TAF8: variants seen among roughly 807,000 people sequenced by gnomAD.
The protein encoded by TAF8 is transcription initiation factor TFIID subunit 8.
Under a neutral mutation model 36.5 loss-of-function variants are expected in TAF8, and 47 were observed. That is an observed-to-expected ratio of 1.29 (90% CI 1.02 to 1.64). The LOEUF (loss-of-function observed/expected upper bound fraction) is 1.64, where lower values mean the gene tolerates loss of function less well. Among genes scored for constraint, TAF8 ranks in the 40% most tolerant of loss-of-function variants. The pLI is 0.00. For synonymous variants in TAF8, 175 were observed against 159.5 expected (o/e 1.10, Z -0.73); for missense variants, 420 against 407.6 (o/e 1.03, Z -0.26).
intron 3 of TAF8, 133 bp downstream of exon 3, chr6:42,055,762 A>G: frequency 1.2e-6 from 1 of 804,460 alleles, no homozygotes; most frequent in Non-Finnish European, 2.1e-6. Flanking sequence ...GAGAGTTATC[A>G]AGAGAGATTC....
At position 42,078,622 on chromosome 6, in the gene TAF8, C is replaced by G. The variant is rs114533433; in HGVS notation, c.*1077C>G. 0.023 allele frequency: 23,083 copies of G among 985,432 alleles called. 312 individuals are homozygous for G. Among genetic ancestry groups the G allele is most frequent in the Middle Eastern group, 0.046 (89 of 1,916 alleles). 61.0% of individuals were successfully genotyped at this position (985,432 alleles called of 1,614,324 possible). A position where few individuals can be genotyped will look rare whatever the true frequency, so the allele number is the denominator to read the frequency against. ...ACGACATGTCGGGGCTGCACCTGTC[C>G]TCCCGTCGGCATTTGACGAAAGCTC... On this transcript the variant is annotated 3_prime_UTR_variant, in exon 9 of 9. Coordinates refer to ENST00000372977, the MANE Select transcript of TAF8 (RefSeq NM_138572.3).
At chr6:42,051,115 A>C in intron 1 of TAF8, 15 of 1,184,660 alleles carry the variant, frequency 1.3e-5, no homozygotes, top group Non-Finnish European at 1.6e-5. Context: ...AAAGTAAAAG[A>C]CCTGCTATTT....
chr6:42,081,851 A>G lies in TAF8; in HGVS notation c.*4306A>G, dbSNP rs1014567075. On this transcript the variant is annotated 3_prime_UTR_variant, in exon 9 of 9. Transcript: ENST00000372977. ...GCAAACTCCAGACCTGTGTCATTTA[A>G]TCTAAATGTGTCTATACGTATCTCT... 2.0e-5 allele frequency: 3 copies of G among 152,192 alleles called. No homozygotes were observed. Among genetic ancestry groups the G allele is most frequent in the African/African-American group, 7.2e-5 (3 of 41,444 alleles). The allele number at this position is 152,192 out of a possible 1,614,324, so 9.4% of individuals were successfully genotyped here.
rs752255358 is a variant in TAF8 at position 42,057,463 on chromosome 6, C to T, written c.439C>T (p.Pro147Ser). 4.1e-5 allele frequency: 66 copies of T among 1,613,980 alleles called. No homozygotes were observed. Among genetic ancestry groups the T allele is most frequent in the Non-Finnish European group, 5.2e-5 (61 of 1,180,046 alleles). ...GQNRPHPPHI[P>S]SHFPEFPDPH... ...GAACCGACCCCACCCGCCGCACATC[C>T]CCAGCCATTTTCCTGAGTTCCCTGA... The change falls in exon 5 of 9, where the codon CCC (proline) becomes TCC (serine). Residue 147 changes from proline (P) to serine (S), a missense_variant. Transcript: ENST00000372977.
chr6:42,076,777 C>T (rs1223199459), intron 7 of TAF8, among the ~76,000 whole-genome samples: 1 of 152,158 alleles, frequency 6.6e-6, no homozygotes, highest in Non-Finnish European at 1.5e-5. Flanking sequence ...GGCCGGGCAT[C>T]CTCCCTGAGG....
intron 5 of TAF8, among the ~76,000 whole-genome samples, chr6:42,062,682 C>T (rs1334940873): frequency 2.0e-5 from 3 of 151,402 alleles, no homozygotes; most frequent in South Asian, 2.1e-4. Flanking sequence ...GGACTACAAG[C>T]GCCTGCCACC....
chr6:42,077,736 G>A lies in TAF8; in HGVS notation c.*191G>A. On this transcript the variant is annotated 3_prime_UTR_variant, in exon 9 of 9. Coordinates refer to ENST00000372977, the MANE Select transcript of TAF8 (RefSeq NM_138572.3). ...TTCACTGGATGTTTGGGTTGAGGAA[G>A]ATATGAACAGAATAATGAGAATTTT... 1 of 1,448,194 alleles carries A rather than the reference G, an allele frequency of 6.9e-7. No individual in the cohort carries two copies. The highest frequency in any genetic ancestry group is 9.0e-7 in the Non-Finnish European group (1 of 1,105,720). 89.7% of individuals were successfully genotyped at this position (1,448,194 alleles called of 1,614,324 possible).
At position 42,051,471 on chromosome 6, in the gene TAF8, G is replaced by C. The variant is rs942821006; in HGVS notation, c.160G>C (p.Glu54Gln). Reference sequence around the variant, plus strand: ...GACAGAGGCAGGGTTTGAGAGTGCCGAGAAAGCATCCGTGGAAACGCTGAC... The same window carrying C: ...GACAGAGGCAGGGTTTGAGAGTGCCCAGAAAGCATCCGTGGAAACGCTGAC... ...LLTEAGFESAEKASVETLTEM... is the reference protein window; with the variant it reads ...LLTEAGFESAQKASVETLTEM... The change falls in exon 2 of 9, where the codon GAG becomes CAG. Residue 54 changes from glutamate (E) to glutamine (Q), a missense_variant. Transcript: ENST00000372977. 1 of 1,614,050 alleles carries C rather than the reference G, an allele frequency of 6.2e-7. No individual in the cohort carries two copies. Among genetic ancestry groups the C allele is most frequent in the Non-Finnish European group, 8.5e-7 (1 of 1,180,010 alleles).
chr6:42,076,042 T>C (rs1216438473), intron 7 of TAF8, among the ~76,000 whole-genome samples: 1 of 152,116 alleles, frequency 6.6e-6, no homozygotes, highest in East Asian at 1.9e-4. Flanking sequence ...ACCCCGTCTC[T>C]ACTAAAAATA....
chr6:42,078,882 G>A lies in TAF8; in HGVS notation c.*1337G>A, dbSNP rs1765840776. On this transcript the variant is annotated 3_prime_UTR_variant, in exon 9 of 9. Coordinates refer to ENST00000372977, the MANE Select transcript of TAF8 (RefSeq NM_138572.3). Reference sequence around the variant, plus strand: ...CACGCCTGTAATCCCAGCACTTCGGGAGGCGAAGGCAGGTGGATCACTTGA... The same window carrying A: ...CACGCCTGTAATCCCAGCACTTCGGAAGGCGAAGGCAGGTGGATCACTTGA... 1.0e-6 allele frequency: 1 copy of A among 978,662 alleles called. No individual in the cohort carries two copies. The highest frequency in any genetic ancestry group is 1.2e-6 in the Non-Finnish European group (1 of 823,802). 60.6% of individuals were successfully genotyped at this position (978,662 alleles called of 1,614,324 possible). A position where few individuals can be genotyped will look rare whatever the true frequency, so the allele number is the denominator to read the frequency against.
rs2127465618 is a variant in TAF8 at position 42,078,765 on chromosome 6, A to G, written c.*1220A>G. ...TCTGGAAGAAGAGGTTTTCTCTGAC[A>G]AGAGCCTAGAGCGTCGGCTCTATTA... is the stretch of plus-strand genomic sequence containing the variant. On this transcript the variant is annotated 3_prime_UTR_variant, in exon 9 of 9. Transcript: ENST00000372977. The G allele has an allele frequency of 1.0e-6, 1 of 985,426 alleles. No homozygotes were observed. The highest frequency in any genetic ancestry group is 5.2e-4 in the Middle Eastern group (1 of 1,918). 61.0% of individuals were successfully genotyped at this position (985,426 alleles called of 1,614,324 possible).
rs1765870762 is a variant in TAF8, at chr6:42,079,909, C to A, written c.*2364C>A. 1 of 984,998 alleles carries A rather than the reference C, an allele frequency of 1.0e-6. No homozygotes were observed. Among genetic ancestry groups the A allele is most frequent in the South Asian group, 4.7e-5 (1 of 21,262 alleles). 61.0% of individuals were successfully genotyped at this position (984,998 alleles called of 1,614,324 possible). On this transcript the variant is annotated 3_prime_UTR_variant, in exon 9 of 9. Transcript: ENST00000372977. ...TTTGGAAACTTGAAAAACTTGGGGACTTGACAGCAGGCTCCATGTTCTTCT... is the reference window on the plus strand; with the variant it reads ...TTTGGAAACTTGAAAAACTTGGGGAATTGACAGCAGGCTCCATGTTCTTCT...
At chr6:42,058,245 G>C (rs1049676048) in intron 5 of TAF8, among the ~76,000 whole-genome samples, 1 of 152,118 alleles carries the variant, frequency 6.6e-6, no homozygotes, top group African/African-American at 2.4e-5. Flanking sequence ...TTAGCTGTGC[G>C]TGGTGGCACA....
rs1435317109 is a variant in TAF8, at chr6:42,066,439, A to G, written c.617A>G (p.Asp206Gly). 3 of 1,614,058 alleles carry G rather than the reference A, an allele frequency of 1.9e-6. No homozygotes were observed. The highest frequency in any genetic ancestry group is 2.5e-6 in the Non-Finnish European group (3 of 1,180,038). ...KTGETQSLFK[D>G]DVSTFPLIAA... ...GGCGAGACTCAGAGTCTTTTCAAAG[A>G]TGACGTCAGCACATTTCCATGTGAG... is the stretch of plus-strand genomic sequence containing the variant. The change falls in exon 6 of 9, where the codon GAT becomes GGT. Residue 206 changes from aspartate (D) to glycine (G), a missense_variant. Coordinates refer to ENST00000372977, the MANE Select transcript of TAF8 (RefSeq NM_138572.3).
rs1765912336 is a variant in TAF8 at position 42,081,177 on chromosome 6, G to GTT, written c.*3633_*3634insTT. On this transcript the variant is annotated 3_prime_UTR_variant, in exon 9 of 9. Transcript: ENST00000372977. Reference sequence around the variant, plus strand: ...TATTTTCTTTCCTCCTGGAGTGTGTGTGTGTGTGTGTGTGCGTGTGTGTGC... The same window carrying GTT: ...TATTTTCTTTCCTCCTGGAGTGTGTGTTTGTGTGTGTGTGTGCGTGTGTGTGC... 2 of 141,490 alleles carry GTT rather than the reference G, an allele frequency of 1.4e-5. No individual in the cohort carries two copies. Among genetic ancestry groups the GTT allele is most frequent in the Non-Finnish European group, 2.9e-5 (2 of 69,126 alleles). 8.8% of individuals were successfully genotyped at this position (141,490 alleles called of 1,614,324 possible).
At position 42,079,838 on chromosome 6, in the gene TAF8, G is replaced by C; in HGVS notation, c.*2293G>C. 1 of 985,076 alleles carries C rather than the reference G, an allele frequency of 1.0e-6. No individual in the cohort carries two copies. Among genetic ancestry groups the C allele is most frequent in the South Asian group, 4.7e-5 (1 of 21,268 alleles). 61.0% of individuals were successfully genotyped at this position (985,076 alleles called of 1,614,324 possible). A position where few individuals can be genotyped will look rare whatever the true frequency, so the allele number is the denominator to read the frequency against. ...CAAAGTGTTGAGATTACAGGCGTGA[G>C]CCACGGTGCCCAGCCCATCTCTTAG... On this transcript the variant is annotated 3_prime_UTR_variant, in exon 9 of 9. Coordinates refer to ENST00000372977, the MANE Select transcript of TAF8 (RefSeq NM_138572.3).
Position 42,053,926 on chromosome 6 carries a change from T to G in TAF8, c.203-1605T>G, listed in dbSNP as rs2127448906. ...CTAGAGGCTGGTATTAGTGACTTGC[T>G]CAGTATAGCAGGGGGGTTGGTGGTA... On this transcript the variant is annotated intron_variant, in intron 2 of 8. Transcript: ENST00000372977. Among the ~76,000 whole-genome samples the G allele has an allele frequency of 3.9e-5, 6 of 152,274 alleles. No individual in the cohort carries two copies. The South Asian group carries it at 1.2e-3, about 32-fold the overall frequency.
chr6:42,051,156 G>T, intron 1 of TAF8: 1 of 1,292,606 alleles, frequency 7.7e-7, no homozygotes, highest in Non-Finnish European at 9.9e-7. Context: ...TTTTAGGTAA[G>T]CGGAGAAGTG....
At chr6:42,055,173 C>T (rs1482469954) in intron 2 of TAF8, among the ~76,000 whole-genome samples, 1 of 152,178 alleles carries the variant, frequency 6.6e-6, no homozygotes, top group African/African-American at 2.4e-5. Flanking sequence ...ATCCACTGGC[C>T]TTGGCCTCCC....
Sources: gnomAD v4.1 joint callset for allele counts (sites outside exome capture counted in the v4.1 genomes callset) on GRCh38, gnomAD v4.1.1 for gene constraint, MANE v1.5 for transcripts, NCBI Gene and HGNC (gene_info 2026-07-23, HGNC 2026-07-21) for gene names.